Variants in NR3C2 observed in about 807,000 individuals in gnomAD.
NR3C2 encodes mineralocorticoid receptor.
A neutral mutation model predicts 86.4 loss-of-function variants in NR3C2; 15 were observed. The ratio of observed to expected loss-of-function variants is 0.17; its 90% CI spans 0.12 to 0.27. NR3C2 has a LOEUF of 0.27. NR3C2 is among the 10% of genes least tolerant of loss of function. NR3C2 has a pLI of 1.00. For missense variants in NR3C2, 960 were observed against 1,195.6 expected (o/e 0.80, Z 2.91); for synonymous variants, 458 against 450.5 (o/e 1.02, Z -0.21).
intron 6 of NR3C2, among the ~76,000 whole-genome samples, chr4:148,121,934 A>T (rs1732522237): frequency 6.6e-6 from 1 of 152,212 alleles, no homozygotes; most frequent in South Asian, 2.1e-4. Flanking sequence ...CCCAAGGAAT[A>T]TCCTTGTCGT....
intron 2 of NR3C2, among the ~76,000 whole-genome samples, chr4:148,349,702 T>C (rs923065443): frequency 1.3e-5 from 2 of 152,172 alleles, no homozygotes; most frequent in Admixed American, 6.5e-5. Flanking sequence ...TTTGATGTTT[T>C]GTTGTTGATG....
chr4:148,442,101 C>T (rs1407540263), intron 1 of NR3C2, 59 bp downstream of exon 1: 1 of 152,578 alleles, frequency 6.6e-6, no homozygotes, highest in Non-Finnish European at 1.5e-5. Context: ...TGCACGCTCC[C>T]GCGCCGCGGC....
chr4:148,435,605 G>C lies in NR3C2; in HGVS notation c.1256C>G (p.Ser419Trp). The C allele has an allele frequency of 6.2e-7, 1 of 1,614,060 alleles. No individual in the cohort carries two copies. The highest frequency in any genetic ancestry group is 8.5e-7 in the Non-Finnish European group (1 of 1,180,032). ...SCLGGNSKINSDSSFSVPIKQ... is the reference protein window; with the variant it reads ...SCLGGNSKINWDSSFSVPIKQ... Reference sequence around the variant, plus strand: ...TATTGGTACTGAGAATGAAGAATCCGAATTTATTTTGCTATTTCCTCCTAG... The same window carrying C: ...TATTGGTACTGAGAATGAAGAATCCCAATTTATTTTGCTATTTCCTCCTAG... Residue 419 changes from serine to tryptophan, a missense_variant, in exon 2 of 9, where the codon TCG becomes TGG. Ser to Trp is a radical substitution (Grantham distance 177). Transcript: ENST00000358102.
intron 3 of NR3C2, among the ~76,000 whole-genome samples, chr4:148,253,457 C>T (rs947717436): frequency 2.3e-4 from 35 of 152,198 alleles, no homozygotes; most frequent in African/African-American, 9.6e-5. Context: ...TATTCACACA[C>T]GTGTGCCACG....
intron 2 of NR3C2, among the ~76,000 whole-genome samples, chr4:148,415,911 C>A (rs1454146345): frequency 6.6e-6 from 1 of 152,048 alleles, no homozygotes; most frequent in Non-Finnish European, 1.5e-5. Flanking sequence ...TACTCATAGA[C>A]AAACACCACT....
chr4:148,309,397 C>A lies in NR3C2; in HGVS notation c.1758-49280G>T, dbSNP rs547610112. On this transcript the variant is annotated intron_variant, in intron 2 of 8. Transcript: ENST00000358102. ...CATCTAGTAAGAAGAGACACACATG[C>A]ACATGGATAAAAGATGCAGTGTTTT... 5.3e-5 allele frequency among the ~76,000 whole-genome samples: 8 copies of A among 152,142 alleles called. No individual in the cohort carries two copies. The South Asian group carries it at 1.7e-3, about 32-fold the overall frequency.
chr4:148,392,524 G>A lies in NR3C2; in HGVS notation c.1757+42580C>T, dbSNP rs143798176. Reference sequence around the variant, plus strand: ...TTTTCTCACTGTACCTTTCTTCCACGGCACTTGCACTCACTGAGGGCAGGC... The same window carrying A: ...TTTTCTCACTGTACCTTTCTTCCACAGCACTTGCACTCACTGAGGGCAGGC... On this transcript the variant is annotated intron_variant, in intron 2 of 8. Transcript: ENST00000358102. 9.6e-4 allele frequency among the ~76,000 whole-genome samples: 146 copies of A among 152,098 alleles called. 3 individuals carry two copies. In the East Asian group the frequency reaches 0.026, roughly 27 times the overall value.
intron 4 of NR3C2, among the ~76,000 whole-genome samples, chr4:148,171,230 G>C (rs1023529127): frequency 7.2e-5 from 11 of 152,312 alleles, no homozygotes; most frequent in Admixed American, 7.2e-4. Flanking sequence ...TATGGTCTAT[G>C]TCTCATCTTT....
chr4:148,106,132 A>G (rs902382211), intron 8 of NR3C2, among the ~76,000 whole-genome samples: 2 of 152,232 alleles, frequency 1.3e-5, no homozygotes, highest in Non-Finnish European at 2.9e-5. Flanking sequence ...CTCAGCCAAA[A>G]TCTCCTTAAG....
intron 8 of NR3C2, among the ~76,000 whole-genome samples, chr4:148,112,124 A>T (rs567224248): frequency 6.8e-6 from 1 of 146,320 alleles, no homozygotes; most frequent in Admixed American, 6.8e-5. Context: ...CTGGTGGGGG[A>T]AAAAAAAAAA....
At chr4:148,400,760 C>A (rs915447489) in intron 2 of NR3C2, among the ~76,000 whole-genome samples, 2 of 125,534 alleles carry the variant, frequency 1.6e-5, no homozygotes, top group African/African-American at 6.5e-5. Flanking sequence ...GCCTGGGCGA[C>A]TGAGTGAGAC....
chr4:148,432,212 T>G (rs956254403), intron 2 of NR3C2, among the ~76,000 whole-genome samples: 11 of 152,186 alleles, frequency 7.2e-5, no homozygotes, highest in Non-Finnish European at 1.6e-4. Context: ...TGCTGGATTT[T>G]CATTGCTACG....
intron 6 of NR3C2, among the ~76,000 whole-genome samples, chr4:148,148,933 T>C (rs1261255839): frequency 6.6e-6 from 1 of 152,210 alleles, no homozygotes. Flanking sequence ...AGATGAAGCA[T>C]GTATGCATAT....
At position 148,252,129 on chromosome 4, in the gene NR3C2, C is replaced by G. The variant is rs566266944; in HGVS notation, c.1897+7849G>C. 2.0e-5 allele frequency among the ~76,000 whole-genome samples: 3 copies of G among 152,180 alleles called. No homozygotes were observed. The South Asian group carries it at 6.2e-4, about 32-fold the overall frequency. On this transcript the variant is annotated intron_variant, in intron 3 of 8. Transcript: ENST00000358102. ...TCTCTAAAATGAGGATAGATAATAA[C>G]CCCACACATTTGATAGAATTATCAA...
intron 6 of NR3C2, among the ~76,000 whole-genome samples, chr4:148,130,624 T>G (rs1447714669): frequency 6.6e-6 from 1 of 152,134 alleles, no homozygotes; most frequent in African/African-American, 2.4e-5. Context: ...ATGTGAGTGA[T>G]AAATAAATAT....
At chr4:148,277,207 A>G (rs2149892150) in intron 2 of NR3C2, among the ~76,000 whole-genome samples, 1 of 152,348 alleles carries the variant, frequency 6.6e-6, no homozygotes, top group Admixed American at 6.5e-5. Flanking sequence ...TCTCATAAAT[A>G]AAAGCTTAAA....
intron 4 of NR3C2, among the ~76,000 whole-genome samples, chr4:148,163,526 T>C (rs1393076033): frequency 1.3e-5 from 2 of 152,130 alleles, no homozygotes; most frequent in Admixed American, 1.3e-4. Flanking sequence ...CTTGAGAGAA[T>C]GTCTAGCACC....
intron 8 of NR3C2, among the ~76,000 whole-genome samples, chr4:148,103,491 C>T (rs1035663616): frequency 6.6e-6 from 1 of 152,202 alleles, no homozygotes; most frequent in Non-Finnish European, 1.5e-5. Flanking sequence ...TTTCTTTGCA[C>T]GTACCCGTAG....
At chr4:148,249,367 T>A (rs192954009) in intron 3 of NR3C2, among the ~76,000 whole-genome samples, 29 of 152,296 alleles carry the variant, frequency 1.9e-4, no homozygotes, top group Admixed American at 1.2e-3. Flanking sequence ...AATGAGCCTG[T>A]ACTAGATCTA....
Sources: gnomAD v4.1 joint callset for allele counts (sites outside exome capture counted in the v4.1 genomes callset) on GRCh38, gnomAD v4.1.1 for gene constraint, MANE v1.5 for transcripts, NCBI Gene and HGNC (gene_info 2026-07-23, HGNC 2026-07-21) for gene names.